ERBB3: variants seen among roughly 807,000 people sequenced by gnomAD.
The protein encoded by ERBB3 is receptor tyrosine-protein kinase erbB-3.
ERBB3 carries 96 observed loss-of-function variants against 156.7 expected under a neutral mutation model. The ratio of observed to expected loss-of-function variants is 0.61; its 90% CI spans 0.52 to 0.73. The LOEUF is 0.73. ERBB3 is among the 30% of genes least tolerant of loss of function. ERBB3 has a pLI of 0.00. For missense variants in ERBB3, 1,406 were observed against 1,709.4 expected, an observed-to-expected ratio of 0.82 and a Z score of 3.13; for synonymous variants, 567 against 632.0, an observed-to-expected ratio of 0.90 and a Z score of 1.54.
At chr12:56,100,989 C>A (rs2136827901) in intron 26 of ERBB3, 72 bp from the exon 27 acceptor site, 11 of 849,850 alleles carry the variant, frequency 1.3e-5, no homozygotes, top group Non-Finnish European at 1.8e-5. Flanking sequence ...CAATATCCTT[C>A]TAAACAAATC....
chr12:56,099,004 G>T (rs1462677821), intron 23 of ERBB3, 99 bp downstream of exon 23: 2 of 1,134,666 alleles, frequency 1.8e-6, no homozygotes, highest in Non-Finnish European at 1.3e-6. Context: ...ACCCAGGCTG[G>T]AGTGCAATGG....
intron 9 of ERBB3, 65 bp downstream of exon 9, chr12:56,088,933 G>A: frequency 3.1e-6 from 5 of 1,604,158 alleles, no homozygotes; most frequent in Non-Finnish European, 4.3e-6. Context: ...CATTTCATTG[G>A]CCAAAACTTT....
chr12:56,090,514 T>G (rs1868644249), intron 9 of ERBB3, among the ~76,000 whole-genome samples: 1 of 151,932 alleles, frequency 6.6e-6, no homozygotes, highest in African/African-American at 2.4e-5. Context: ...CGTGGTGGTG[T>G]GCGCCTGTAG....
intron 4 of ERBB3, 29 bp downstream of exon 4, chr12:56,086,685 CA>C (rs769417912): frequency 6.2e-7 from 1 of 1,613,546 alleles, no homozygotes; most frequent in Non-Finnish European, 8.5e-7. Context: ...GATTGCTCCC[CA>C]GTCCCACCAA....
In ERBB3 at chr12:56,102,798, C is replaced by T. The variant is rs1869156914; in HGVS notation, c.*743C>T. 8.3e-6 allele frequency: 1 copy of T among 120,164 alleles called. No homozygotes were observed. The highest frequency in any genetic ancestry group is 1.2e-4 in the Admixed American group (1 of 8,368). The allele number at this position is 120,164 out of a possible 1,614,324, so 7.4% of individuals were successfully genotyped here. A position where few individuals can be genotyped will look rare whatever the true frequency, so the allele number is the denominator to read the frequency against. ...AGCTTAGCCAACATAGTAAGACCCC[C>T]ATCTCTTTAAAAAAAAAAAAAAAAA... On this transcript the variant is annotated 3_prime_UTR_variant, in exon 28 of 28. Coordinates refer to ENST00000267101, the MANE Select transcript of ERBB3 (RefSeq NM_001982.4).
At chr12:56,088,710 C>T (rs538722977) in intron 8 of ERBB3, 38 bp from the exon 9 acceptor site, 107 of 1,614,116 alleles carry the variant, frequency 6.6e-5, no homozygotes, top group Non-Finnish European at 7.4e-5. Context: ...TCTGAGCCTG[C>T]GCAGACCACC....
At chr12:56,092,925 GC>G in intron 10 of ERBB3, 60 bp from the exon 11 acceptor site, 1 of 1,548,604 alleles carries the variant, frequency 6.5e-7, no homozygotes, top group Non-Finnish European at 8.9e-7. Context: ...TAGGGGAGGA[GC>G]CAGGAGAACC....
At position 56,099,002 on chromosome 12, in the gene ERBB3, T is replaced by G. The variant is rs1237915842; in HGVS notation, c.2839+97T>G. 7.3e-5 allele frequency: 83 copies of G among 1,132,376 alleles called. No individual in the cohort carries two copies. In the African/African-American group the frequency reaches 1.1e-3, roughly 15 times the overall value. The allele number at this position is 1,132,376 out of a possible 1,614,324, so 70.1% of individuals were successfully genotyped here. Reference sequence around the variant, plus strand: ...AGAGTCTCACAATTGTCACCCAGGCTGGAGTGCAATGGTGCAATCAATCTT... The same window carrying G: ...AGAGTCTCACAATTGTCACCCAGGCGGGAGTGCAATGGTGCAATCAATCTT... On this transcript the variant is annotated intron_variant, in intron 23 of 27. Transcript: ENST00000267101.
At chr12:56,093,950 A>G in intron 13 of ERBB3, 54 bp downstream of exon 13, 1 of 1,609,318 alleles carries the variant, frequency 6.2e-7, no homozygotes, top group Non-Finnish European at 8.5e-7. Context: ...CTGCAATGGA[A>G]CTGTTCAGGT....
rs907927728 is a variant in ERBB3, at chr12:56,088,730, C to T, written c.989-18C>T. The T allele has an allele frequency of 1.9e-6, 3 of 1,614,116 alleles. No individual in the cohort carries two copies. The Admixed American group carries it at 5.0e-5, about 27-fold the overall frequency. ...GCCTGCGCAGACCACCCCCACTGAA[C>T]CTCTCTTACATTTGCAGCCTGTGAG... On this transcript the variant is annotated intron_variant, in intron 8 of 27. Transcript: ENST00000267101.
chr12:56,085,953 G>A (rs568345390), intron 3 of ERBB3, among the ~76,000 whole-genome samples: 7 of 147,356 alleles, frequency 4.8e-5, no homozygotes, highest in East Asian at 2.0e-4. Flanking sequence ...CCTGTAGTCC[G>A]AGCTACTCGG....
rs990512508 is a variant in ERBB3 at position 56,103,406 on chromosome 12, C to T, written c.*1351C>T. 9.2e-6 allele frequency: 2 copies of T among 216,690 alleles called. No homozygotes were observed. The highest frequency in any genetic ancestry group is 4.5e-5 in the African/African-American group (2 of 44,270). The allele number at this position is 216,690 out of a possible 1,614,324, so 13.4% of individuals were successfully genotyped here. On this transcript the variant is annotated 3_prime_UTR_variant, in exon 28 of 28. Coordinates refer to ENST00000267101, the MANE Select transcript of ERBB3 (RefSeq NM_001982.4). Reference sequence around the variant, plus strand: ...CCAGCTTCAGCTGCACACCTCTGTCCCCTTGGATGGGGAACTAAGGGAAAA... The same window carrying T: ...CCAGCTTCAGCTGCACACCTCTGTCTCCTTGGATGGGGAACTAAGGGAAAA...
chr12:56,102,186 A>G lies in ERBB3; in HGVS notation c.*131A>G. 1 of 828,200 alleles carries G rather than the reference A, an allele frequency of 1.2e-6. No homozygotes were observed. Among genetic ancestry groups the G allele is most frequent in the Non-Finnish European group, 2.0e-6 (1 of 501,056 alleles). 51.3% of individuals were successfully genotyped at this position (828,200 alleles called of 1,614,324 possible). On this transcript the variant is annotated 3_prime_UTR_variant, in exon 28 of 28. Coordinates refer to ENST00000267101, the MANE Select transcript of ERBB3 (RefSeq NM_001982.4). Reference sequence around the variant, plus strand: ...CCCCAGTCCCAGACAATTCCATTCAATCTTTGGAGGCTTTTAAACATTTTG... The same window carrying G: ...CCCCAGTCCCAGACAATTCCATTCAGTCTTTGGAGGCTTTTAAACATTTTG...
intron 9 of ERBB3, among the ~76,000 whole-genome samples, chr12:56,089,341 G>A (rs1467420531): frequency 2.0e-5 from 3 of 151,830 alleles, no homozygotes; most frequent in Non-Finnish European, 2.9e-5. Flanking sequence ...GGCTGATCTC[G>A]AACTCCTGTG....
At chr12:56,099,790 G>A (rs529665455) in intron 24 of ERBB3, 45 bp downstream of exon 24, 1 of 1,612,426 alleles carries the variant, frequency 6.2e-7, no homozygotes, top group Non-Finnish European at 8.5e-7. Context: ...GAAAAAGGAG[G>A]AGTTGGCTGG....
rs1306315410 is a variant in ERBB3 at position 56,088,199 on chromosome 12, A to G, written c.874+37A>G. The G allele has an allele frequency of 4.4e-6, 7 of 1,606,938 alleles. No individual in the cohort carries two copies. In the East Asian group the frequency reaches 1.3e-4, roughly 31 times the overall value. On this transcript the variant is annotated intron_variant, in intron 7 of 27. Transcript: ENST00000267101. ...AGGGGAAGGAACAATGATCAACAAT[A>G]GTAGATCCAAGATTTTAGACAAAAT...
Position 56,092,969 on chromosome 12 carries a change from T to G in ERBB3, c.1184-17T>G. ...GAAGAAGGCTCCCTGCCCATATGCC[T>G]CTCTCCAACCCCTCAGGTTACCTGA... On this transcript the variant is annotated splice_polypyrimidine_tract_variant and intron_variant, in intron 10 of 27. Transcript: ENST00000267101. 1 of 1,608,156 alleles carries G rather than the reference T, an allele frequency of 6.2e-7. No homozygotes were observed. Among genetic ancestry groups the G allele is most frequent in the Non-Finnish European group, 8.5e-7 (1 of 1,174,568 alleles).
chr12:56,099,092 G>A (rs1253158329), intron 23 of ERBB3, 187 bp downstream of exon 23: 19 of 617,104 alleles, frequency 3.1e-5, no homozygotes, highest in Non-Finnish European at 4.8e-5. Context: ...CGGAGTAGCT[G>A]GGATTACAGG....
At chr12:56,086,685 C>T (rs75038291) in intron 4 of ERBB3, 29 bp downstream of exon 4, 1 of 1,613,428 alleles carries the variant, frequency 6.2e-7, no homozygotes, top group Non-Finnish European at 8.5e-7. Flanking sequence ...GATTGCTCCC[C>T]AGTCCCACCA....
Sources: allele counts gnomAD v4.1 joint callset (sites outside exome capture counted in the v4.1 genomes callset), GRCh38; gene constraint gnomAD v4.1.1; transcripts MANE v1.5; gene names NCBI Gene and HGNC (gene_info 2026-07-23, HGNC 2026-07-21).